Variants in SMURF1 observed in about 807,000 individuals in gnomAD.
SMURF1 encodes SMAD specific E3 ubiquitin protein ligase 1.
Under a neutral mutation model 98.0 loss-of-function variants are expected in SMURF1, and 44 were observed. That is an observed-to-expected ratio of 0.45 (90% CI 0.35 to 0.58). The LOEUF is 0.58. SMURF1 is among the 20% of genes least tolerant of loss of function. The pLI is 0.00. For missense variants in SMURF1, 687 were observed against 938.4 expected (o/e 0.73, Z 3.50); for synonymous variants, 396 against 374.9 (o/e 1.06, Z -0.65).
At chr7:99,107,248 A>G (rs979023548) in intron 1 of SMURF1, among the ~76,000 whole-genome samples, 1 of 152,208 alleles carries the variant, frequency 6.6e-6, no homozygotes, top group African/African-American at 2.4e-5. Context: ...AAAACTTTGT[A>G]TATTTCAAAA....
At chr7:99,050,904 G>T (rs77999413) in intron 8 of SMURF1, 164 of 1,016,438 alleles carry the variant, frequency 1.6e-4, no homozygotes, top group Non-Finnish European at 2.1e-4. Flanking sequence ...TGGGGGGGGG[G>T]TCTCTCTAAC....
intron 1 of SMURF1, among the ~76,000 whole-genome samples, chr7:99,066,784 GAAAAAAAAAAA>G (rs111395590): frequency 1.1e-5 from 1 of 92,570 alleles, no homozygotes; most frequent in Non-Finnish European, 2.3e-5. Flanking sequence ...GTCTCAAAAA[GAAAAAAAAAAA>G]AAAAGAAAAG....
intron 1 of SMURF1, among the ~76,000 whole-genome samples, chr7:99,083,004 A>G (rs1488018369): frequency 6.6e-6 from 1 of 152,094 alleles, no homozygotes; most frequent in Non-Finnish European, 1.5e-5. Context: ...TAGATTTTTA[A>G]AATTTTTTTA....
intron 1 of SMURF1, among the ~76,000 whole-genome samples, chr7:99,078,868 T>C (rs1796520368): frequency 1.3e-5 from 2 of 152,176 alleles, no homozygotes; most frequent in African/African-American, 4.8e-5. Context: ...AATGTAATAA[T>C]AATAGAAATA....
chr7:99,105,129 T>A (rs773138407), intron 1 of SMURF1, among the ~76,000 whole-genome samples: 2 of 152,222 alleles, frequency 1.3e-5, no homozygotes, highest in Non-Finnish European at 2.9e-5. Context: ...GGTGTACACA[T>A]GCACATGCAC....
chr7:99,130,573 C>G (rs1424417657), intron 1 of SMURF1, among the ~76,000 whole-genome samples: 1 of 152,192 alleles, frequency 6.6e-6, no homozygotes, highest in Non-Finnish European at 1.5e-5. Context: ...CACTCCTAAC[C>G]CTTGGTCAAA....
In SMURF1 at chr7:99,028,607, G is replaced by A. The variant is rs1794778775; in HGVS notation, c.*1977C>T. ...GACTCCTCCCAACAGCAAAAAGGTAGTTTTAAAGGCGTCAAATGCAACATT... is the reference window on the plus strand; with the variant it reads ...GACTCCTCCCAACAGCAAAAAGGTAATTTTAAAGGCGTCAAATGCAACATT... On this transcript the variant is annotated 3_prime_UTR_variant, in exon 18 of 18. Coordinates refer to ENST00000361368, the MANE Select transcript of SMURF1 (RefSeq NM_181349.3). 6.6e-6 allele frequency: 1 copy of A among 152,214 alleles called. No homozygotes were observed. Among genetic ancestry groups the A allele is most frequent in the Non-Finnish European group, 1.5e-5 (1 of 68,040 alleles). The allele number at this position is 152,214 out of a possible 1,614,324, so 9.4% of individuals were successfully genotyped here.
At chr7:99,058,187 A>G (rs1795932566) in intron 3 of SMURF1, among the ~76,000 whole-genome samples, 2 of 151,936 alleles carry the variant, frequency 1.3e-5, no homozygotes, top group South Asian at 2.1e-4. Context: ...GCCGGAGTGC[A>G]ATGGCGCAGT....
chr7:99,054,956 C>A, intron 5 of SMURF1, 91 bp from the exon 6 acceptor site: 1 of 1,188,160 alleles, frequency 8.4e-7, no homozygotes, highest in Non-Finnish European at 1.2e-6. Context: ...AATTTATGTA[C>A]AATATCATAA....
At chr7:99,038,706 C>T (rs986408138) in intron 13 of SMURF1, among the ~76,000 whole-genome samples, 181 bp from the exon 14 acceptor site, 2 of 152,180 alleles carry the variant, frequency 1.3e-5, no homozygotes, top group Non-Finnish European at 2.9e-5. Context: ...GAGACCACAG[C>T]TCTGTTTCCA....
At chr7:99,113,990 A>G (rs1584193673) in intron 1 of SMURF1, among the ~76,000 whole-genome samples, 1 of 152,180 alleles carries the variant, frequency 6.6e-6, no homozygotes, top group African/African-American at 2.4e-5. Flanking sequence ...ATGATTTAAC[A>G]GATGGCTGCA....
intron 12 of SMURF1, 133 bp from the exon 13 acceptor site, chr7:99,040,689 C>A (rs1057295081): frequency 2.6e-6 from 2 of 768,508 alleles, no homozygotes; most frequent in African/African-American, 3.6e-5. Flanking sequence ...GACTCACAGG[C>A]CCCGCTCCTG....
chr7:99,077,012 G>T (rs922096372), intron 1 of SMURF1, among the ~76,000 whole-genome samples: 1 of 148,522 alleles, frequency 6.7e-6, no homozygotes. Context: ...AAACAAAAAA[G>T]GTTACAGAAC....
intron 1 of SMURF1, among the ~76,000 whole-genome samples, chr7:99,093,059 C>A (rs959511141): frequency 5.3e-5 from 8 of 152,136 alleles, no homozygotes; most frequent in Admixed American, 6.5e-5. Flanking sequence ...ACTCCCATAG[C>A]CTATATCACA....
In SMURF1 at chr7:99,045,570, G is replaced by A. The variant is rs111403121; in HGVS notation, c.1256+128C>T. On this transcript the variant is annotated intron_variant, in intron 11 of 17. Transcript: ENST00000361368. ...GGCTGAAGCCAGTGCATGATGGCCC[G>A]ACTGCTCCAAGGAGACATCAGCCCT... 1,027 of 715,816 alleles carry A rather than the reference G, an allele frequency of 1.4e-3. 8 individuals carry two copies. The highest frequency in any genetic ancestry group is 0.013 in the African/African-American group (720 of 56,142). The allele number at this position is 715,816 out of a possible 1,614,324, so 44.3% of individuals were successfully genotyped here.
chr7:99,142,998 AGGGCCGATGCTAG>A (rs1798165448), intron 1 of SMURF1, among the ~76,000 whole-genome samples: 2 of 146,214 alleles, frequency 1.4e-5, no homozygotes, highest in Non-Finnish European at 3.0e-5. Context: ...GGAAGAAGTG[AGGGCCGATGCTAG>A]GAAAGAAGTG....
chr7:99,032,178 G>A (rs1421701754), intron 17 of SMURF1, among the ~76,000 whole-genome samples: 1 of 152,192 alleles, frequency 6.6e-6, no homozygotes, highest in African/African-American at 2.4e-5. Context: ...GCCTGCTGGA[G>A]TGGTAGCCAC....
chr7:99,138,889 T>TA (rs958777554), intron 1 of SMURF1, among the ~76,000 whole-genome samples: 19 of 152,244 alleles, frequency 1.2e-4, no homozygotes, highest in Non-Finnish European at 2.6e-4. Flanking sequence ...TAACCCATCC[T>TA]ACACCTTCCA....
At chr7:99,138,587 G>T (rs538793098) in intron 1 of SMURF1, among the ~76,000 whole-genome samples, 1 of 152,202 alleles carries the variant, frequency 6.6e-6, no homozygotes, top group African/African-American at 2.4e-5. Context: ...AAGACTAGAG[G>T]TTTTAAACTC....
Sources: gnomAD v4.1 joint callset for allele counts (sites outside exome capture counted in the v4.1 genomes callset) on GRCh38, gnomAD v4.1.1 for gene constraint, MANE v1.5 for transcripts, NCBI Gene and HGNC (gene_info 2026-07-23, HGNC 2026-07-21) for gene names.